Variants in SP140 observed in about 807,000 individuals in gnomAD.
The protein encoded by SP140 is nuclear body protein SP140.
In SP140, 81 loss-of-function variants were observed where a neutral mutation model predicts 125.0. The observed-to-expected ratio is 0.65, with a 90% CI of 0.54 to 0.78. The LOEUF (loss-of-function observed/expected upper bound fraction) is 0.78. Ranked by LOEUF, SP140 falls within the 30% of genes least tolerant of loss-of-function variation. The pLI, the probability that SP140 is intolerant of heterozygous loss-of-function variation, is 0.00. For missense variants in SP140, 858 were observed against 1,037.0 expected (o/e 0.83, Z 2.37); for synonymous variants, 312 against 354.0 (o/e 0.88, Z 1.33).
Position 230,243,732 on chromosome 2 carries a change from G to A in SP140, c.492G>A (p.Glu164=), listed in dbSNP as rs201308762. The A allele has an allele frequency of 3.2e-5, 52 of 1,611,174 alleles. No homozygotes were observed. In the Admixed American group the frequency reaches 8.5e-4, roughly 26 times the overall value. Residue 164 remains glutamate, a splice_region_variant and synonymous_variant, in exon 5 of 27, where the codon GAG becomes GAA. Transcript: ENST00000392045. ...RPRLLPYGKQ[E]NSNACHEMDD... is the part of the protein sequence containing the mutation. ...AAGGGATTTCATTCCTTTCGGCAGA[G>A]AACAGCAATGCCTGTCATGAAATGG...
In SP140 at chr2:230,237,041, G is replaced by C; in HGVS notation, c.60-42G>C. 6.7e-7 allele frequency: 1 copy of C among 1,489,152 alleles called. No homozygotes were observed. Among genetic ancestry groups the C allele is most frequent in the Non-Finnish European group, 9.0e-7 (1 of 1,115,546 alleles). 92.2% of individuals were successfully genotyped at this position (1,489,152 alleles called of 1,614,324 possible). A position where few individuals can be genotyped will look rare whatever the true frequency, so the allele number is the denominator to read the frequency against. On this transcript the variant is annotated intron_variant, in intron 1 of 26. Coordinates refer to ENST00000392045, the MANE Select transcript of SP140 (RefSeq NM_007237.5). This position sits in a 1 kb window ranked among gnomAD's most constrained non-coding sequence, Gnocchi z 5.4. ...TCTTCTAACCACCACAAACCTCTTG[G>C]AAACTCAGTGTCTACTTCCACGTTG... is the stretch of plus-strand genomic sequence containing the variant.
chr2:230,255,336 G>T (rs1575042848), intron 11 of SP140, 116 bp from the exon 12 acceptor site: 1 of 1,192,128 alleles, frequency 8.4e-7, no homozygotes, highest in East Asian at 2.4e-5. Context: ...ACCTGGGTGG[G>T]GGACAGCCCT....
intron 1 of SP140, among the ~76,000 whole-genome samples, chr2:230,233,271 A>G (rs2149074431): frequency 6.6e-6 from 1 of 152,268 alleles, no homozygotes; most frequent in South Asian, 2.1e-4. Context: ...TTGAATTTGT[A>G]TTTGAAATAA....
rs773610690 is a variant in SP140, at chr2:230,245,950, A to G, written c.742+10A>G. On this transcript the variant is annotated intron_variant, in intron 7 of 26. Coordinates refer to ENST00000392045, the MANE Select transcript of SP140 (RefSeq NM_007237.5). Reference sequence around the variant, plus strand: ...CCTTATGATACAGAAGGTAATTAGGATTTAAATTAAAGCTTTATTTTTCTG... The same window carrying G: ...CCTTATGATACAGAAGGTAATTAGGGTTTAAATTAAAGCTTTATTTTTCTG... 3.3e-6 allele frequency: 5 copies of G among 1,524,704 alleles called. No individual in the cohort carries two copies. Among genetic ancestry groups the G allele is most frequent in the Admixed American group, 1.7e-5 (1 of 59,772 alleles). The allele number at this position is 1,524,704 out of a possible 1,614,324, so 94.4% of individuals were successfully genotyped here. A position where few individuals can be genotyped will look rare whatever the true frequency, so the allele number is the denominator to read the frequency against.
intron 18 of SP140, among the ~76,000 whole-genome samples, chr2:230,288,935 T>C (rs2056801870): frequency 1.3e-5 from 2 of 152,220 alleles, no homozygotes; most frequent in African/African-American, 4.8e-5. Flanking sequence ...AACACACGTG[T>C]GTGTGTCTTT....
chr2:230,252,770 A>C (rs1863675), intron 10 of SP140, among the ~76,000 whole-genome samples: 73,019 of 150,846 alleles, frequency 0.48, 18,184 homozygotes, highest in African/African-American at 0.58. Flanking sequence ...AAGAGTGGGC[A>C]CCAGTGTCCT....
chr2:230,268,576 C>T (rs1379071204), intron 12 of SP140, among the ~76,000 whole-genome samples: 2 of 149,432 alleles, frequency 1.3e-5, no homozygotes, highest in Admixed American at 6.7e-5. Context: ...AGTAGTGAAA[C>T]AAGTAAATAA....
upstream of SP140, among the ~76,000 whole-genome samples, chr2:230,223,298 G>A (rs372911955): frequency 3.4e-4 from 52 of 152,292 alleles, no homozygotes; most frequent in African/African-American, 1.0e-3. Flanking sequence ...GCCTCCCGAA[G>A]TGCTGGGGTT....
intron 15 of SP140, among the ~76,000 whole-genome samples, chr2:230,272,511 G>A (rs1445047562): frequency 6.6e-6 from 1 of 152,100 alleles, no homozygotes; most frequent in Non-Finnish European, 1.5e-5. Context: ...TTTTATAAGG[G>A]GGAGTTTCCC....
chr2:230,314,896 A>C (rs578133898), downstream of SP140, among the ~76,000 whole-genome samples: 79 of 152,374 alleles, frequency 5.2e-4, no homozygotes, highest in African/African-American at 1.9e-3. Flanking sequence ...CCCAGTAGTG[A>C]GTAAAATGAA....
chr2:230,237,255 T>A lies in SP140; in HGVS notation c.232T>A (p.Tyr78Asn). The change falls in exon 2 of 27, where the codon TAT becomes AAT. Residue 78 changes from tyrosine to asparagine, a missense_variant. Transcript: ENST00000392045. This position sits in a 1 kb window ranked among gnomAD's most constrained non-coding sequence, Gnocchi z 5.4. ...RDRSFISEQMYEHFQEAFRNL... is the reference protein window; with the variant it reads ...RDRSFISEQMNEHFQEAFRNL... ...CCGCTCCTTCATCTCCGAGCAGATG[T>A]ATGAAGTAAGTAAGAATTTCCAAAT... The A allele has an allele frequency of 6.2e-7, 1 of 1,609,274 alleles. No homozygotes were observed. Among genetic ancestry groups the A allele is most frequent in the Non-Finnish European group, 8.5e-7 (1 of 1,178,594 alleles).
chr2:230,210,648 G>A (rs985342981), intron 1 of SP140, among the ~76,000 whole-genome samples: 1 of 152,178 alleles, frequency 6.6e-6, no homozygotes, highest in Non-Finnish European at 1.5e-5. Context: ...GACATATAAA[G>A]CTCTGCTAGT....
chr2:230,312,282 T>C (rs1191320285), intron 26 of SP140, among the ~76,000 whole-genome samples: 2 of 152,240 alleles, frequency 1.3e-5, no homozygotes, highest in East Asian at 3.8e-4. Context: ...AAGATAAGTG[T>C]TCTACTTAAT....
At chr2:230,239,581 G>T (rs2048431288) in intron 3 of SP140, among the ~76,000 whole-genome samples, 1 of 152,048 alleles carries the variant, frequency 6.6e-6, no homozygotes, top group Non-Finnish European at 1.5e-5. Context: ...TGAGTATCTG[G>T]GATTACAGTC....
intron 22 of SP140, among the ~76,000 whole-genome samples, chr2:230,307,559 T>C (rs1355221153): frequency 6.6e-6 from 1 of 152,178 alleles, no homozygotes; most frequent in Non-Finnish European, 1.5e-5. Flanking sequence ...ATGGAAGCTG[T>C]TTGCAGTGTG....
chr2:230,293,622 C>G (rs1300629431), intron 20 of SP140, among the ~76,000 whole-genome samples: 1 of 151,956 alleles, frequency 6.6e-6, no homozygotes, highest in African/African-American at 2.4e-5. Context: ...AGGCGACAGC[C>G]ACCCCGCCCC....
chr2:230,263,255 T>C (rs1292130921), intron 12 of SP140, among the ~76,000 whole-genome samples: 1 of 152,196 alleles, frequency 6.6e-6, no homozygotes, highest in Non-Finnish European at 1.5e-5. Context: ...TAAAGTTTGT[T>C]TTGTCTAATA....
chr2:230,241,581 C>T (rs746261257), intron 4 of SP140, 94 bp downstream of exon 4: 10 of 735,366 alleles, frequency 1.4e-5, no homozygotes, highest in Non-Finnish European at 2.4e-5. Flanking sequence ...TGTCTTAGCC[C>T]TCTGTTATCT....
intron 10 of SP140, among the ~76,000 whole-genome samples, chr2:230,251,974 G>A (rs2050442160): frequency 6.6e-6 from 1 of 152,040 alleles, no homozygotes; most frequent in African/African-American, 2.4e-5. Context: ...CTGTGAGGCG[G>A]GCATGGGTTA....
Sources: allele counts gnomAD v4.1 joint callset (sites outside exome capture counted in the v4.1 genomes callset), GRCh38; gene constraint gnomAD v4.1.1; non-coding constraint Gnocchi (gnomAD v3.1); transcripts MANE v1.5; gene names NCBI Gene and HGNC (gene_info 2026-07-23, HGNC 2026-07-21).